Variants in SYNE2 observed in about 807,000 individuals in gnomAD.
The protein encoded by SYNE2 is nesprin-2.
SYNE2 carries 431 observed loss-of-function variants against 856.3 expected under a neutral mutation model. The ratio of observed to expected loss-of-function variants is 0.50; its 90% CI spans 0.47 to 0.55. The LOEUF is 0.55. Among genes scored for constraint, SYNE2 ranks in the 20% least tolerant of loss-of-function variants. The pLI is 0.00. For synonymous variants in SYNE2, 2,923 were observed against 2,872.3 expected, an observed-to-expected ratio of 1.02 and a Z score of -0.56; for missense variants, 8,129 against 8,023.2, an observed-to-expected ratio of 1.01 and a Z score of -0.50.
chr14:64,053,695 G>C (rs560845684), intron 48 of SYNE2, 38 bp downstream of exon 48: 1 of 1,597,410 alleles, frequency 6.3e-7, no homozygotes, highest in South Asian at 1.1e-5. Flanking sequence ...GGCTGGGTGC[G>C]GGGGCTCACG....
chr14:63,835,329 G>A (rs1038534845), intron 1 of SYNE2, among the ~76,000 whole-genome samples: 1 of 152,140 alleles, frequency 6.6e-6, no homozygotes, highest in Admixed American at 6.6e-5. Context: ...TGCCTCTGGG[G>A]TTCAAGAAAT....
chr14:64,102,537 C>G lies in SYNE2; in HGVS notation c.12492+495C>G, dbSNP rs535340314. 1.4e-3 allele frequency among the ~76,000 whole-genome samples: 189 copies of G among 138,188 alleles called. 1 individual carries two copies. The highest frequency in any genetic ancestry group is 4.8e-3 in the African/African-American group (177 of 36,548). 90.7% of individuals were successfully genotyped at this position (138,188 alleles called of 152,430 possible). A position where few individuals can be genotyped will look rare whatever the true frequency, so the allele number is the denominator to read the frequency against. ...TTTTTTTTTTTTTTTTAGCTGACAA[C>G]CATTGTATATATTTATGGTATACAA... On this transcript the variant is annotated intron_variant, in intron 64 of 115. Coordinates refer to ENST00000555002, the MANE Select transcript of SYNE2 (RefSeq NM_182914.3).
intron 1 of SYNE2, among the ~76,000 whole-genome samples, chr14:63,770,324 TC>T (rs1566555561): frequency 6.6e-6 from 1 of 152,110 alleles, no homozygotes; most frequent in African/African-American, 2.4e-5. Context: ...AAAGCTAAAC[TC>T]CCCTATCCTG....
chr14:63,816,778 A>G (rs2139849727), intron 1 of SYNE2, among the ~76,000 whole-genome samples: 1 of 152,104 alleles, frequency 6.6e-6, no homozygotes, highest in South Asian at 2.1e-4. Flanking sequence ...GTACAGTGGC[A>G]TGATCATAGC....
At chr14:63,794,404 G>C (rs1887846468) in intron 1 of SYNE2, among the ~76,000 whole-genome samples, 1 of 151,972 alleles carries the variant, frequency 6.6e-6, no homozygotes, top group Non-Finnish European at 1.5e-5. Context: ...TGGCTAGGCT[G>C]GTCTCAAACT....
At chr14:64,184,673 A>G (rs1403555376) in intron 96 of SYNE2, among the ~76,000 whole-genome samples, 1 of 152,090 alleles carries the variant, frequency 6.6e-6, no homozygotes, top group East Asian at 1.9e-4. Flanking sequence ...CCTTTATGTT[A>G]TGTAGCTTTC....
At chr14:63,825,034 A>T (rs1042494309) in intron 1 of SYNE2, among the ~76,000 whole-genome samples, 23 of 151,992 alleles carry the variant, frequency 1.5e-4, no homozygotes, top group Admixed American at 1.5e-3. Context: ...TGGGAGGTGG[A>T]GGTTACAGTG....
intron 64 of SYNE2, among the ~76,000 whole-genome samples, chr14:64,103,076 C>G (rs529016821): frequency 6.6e-6 from 1 of 152,220 alleles, no homozygotes; most frequent in South Asian, 2.1e-4. Flanking sequence ...GGTTGCTTCT[C>G]TATCTTGGCT....
At position 64,224,546 on chromosome 14, in the gene SYNE2, A is replaced by G; in HGVS notation, c.20468A>G (p.Lys6823Arg). 6.2e-7 allele frequency: 1 copy of G among 1,614,030 alleles called. No individual in the cohort carries two copies. The highest frequency in any genetic ancestry group is 8.5e-7 in the Non-Finnish European group (1 of 1,180,000). The change falls in exon 114 of 116, where the codon AAG becomes AGG. Residue 6823 changes from lysine to arginine, a missense_variant and splice_region_variant. Coordinates refer to ENST00000555002, the MANE Select transcript of SYNE2 (RefSeq NM_182914.3). ...ACATCCGTGCCAGCTCCCCGAGCAA[A>G]GGTAAGAAGCCCCTTCCTTCTGTGA... ...PATSVPAPRAKFRAVRTTEGE... is the reference protein window; with the variant it reads ...PATSVPAPRARFRAVRTTEGE...
Position 64,122,087 on chromosome 14 carries a change from C to T in SYNE2, c.13234C>T (p.Gln4412Ter), listed in dbSNP as rs1427446795. The T allele has an allele frequency of 6.2e-7, 1 of 1,614,016 alleles. No individual in the cohort carries two copies. Among genetic ancestry groups the T allele is most frequent in the East Asian group, 2.2e-5 (1 of 44,862 alleles). The change falls in exon 69 of 116, where the codon CAG becomes TAG. Residue 4412 changes from glutamine to a stop codon, truncating the protein, a stop_gained. Coordinates refer to ENST00000555002, the MANE Select transcript of SYNE2 (RefSeq NM_182914.3). LOFTEE classifies it high-confidence loss of function. ...ATTTAATGCTAAGAAAATGTGGCCCCAGTATTGCCAACATGATAACGATAC... is the reference window on the plus strand; with the variant it reads ...ATTTAATGCTAAGAAAATGTGGCCCTAGTATTGCCAACATGATAACGATAC... ...IEFNAKKMWP[Q>*]YCQHDNDTTQ...
At chr14:64,011,088 T>C (rs985070284) in intron 32 of SYNE2, among the ~76,000 whole-genome samples, 2 of 152,208 alleles carry the variant, frequency 1.3e-5, no homozygotes, top group East Asian at 1.9e-4. Flanking sequence ...AAAGCTTAAA[T>C]AGGACAATTT....
Position 63,986,515 on chromosome 14 carries a change from A to C in SYNE2, c.2211A>C (p.Lys737Asn). 2.5e-6 allele frequency: 4 copies of C among 1,614,200 alleles called. No homozygotes were observed. Among genetic ancestry groups the C allele is most frequent in the Non-Finnish European group, 3.4e-6 (4 of 1,180,022 alleles). The change falls in exon 19 of 116, where the codon AAA becomes AAC. Residue 737 changes from lysine to asparagine, a missense_variant. This residue lies in a region of SYNE2 where 2,422 missense variants were observed against 2,357.4 expected (regional missense o/e 1.03). Coordinates refer to ENST00000555002, the MANE Select transcript of SYNE2 (RefSeq NM_182914.3). ...EEFTGQLKVA[K>N]DVEKLIGQVE... ...TCACAGGGCAACTAAAAGTGGCTAA[A>C]GATGTTGAAAAACTCATTGGACAAG...
intron 103 of SYNE2, among the ~76,000 whole-genome samples, chr14:64,211,177 C>A (rs945803624): frequency 3.9e-5 from 6 of 152,182 alleles, no homozygotes; most frequent in African/African-American, 1.4e-4. Flanking sequence ...TGGGGTCTCA[C>A]TATGTTGCCC....
At position 64,093,494 on chromosome 14, in the gene SYNE2, A is replaced by C. The variant is rs2153630217; in HGVS notation, c.12108+14A>C. On this transcript the variant is annotated intron_variant, in intron 61 of 115. Coordinates refer to ENST00000555002, the MANE Select transcript of SYNE2 (RefSeq NM_182914.3). ...CCACAACTACAGGTATGTTTCTTTC[A>C]TTCATAAAGGTATGTTTCATTTGTC... 1 of 1,614,138 alleles carries C rather than the reference A, an allele frequency of 6.2e-7. No homozygotes were observed. Among genetic ancestry groups the C allele is most frequent in the Admixed American group, 1.7e-5 (1 of 60,030 alleles).
In SYNE2 at chr14:64,052,891, G is replaced by A; in HGVS notation, c.8978G>A (p.Cys2993Tyr). The change falls in exon 48 of 116, where the codon TGT becomes TAT. Residue 2993 changes from cysteine (C) to tyrosine (Y), a missense_variant. Cys to Tyr is a radical substitution (Grantham distance 194, BLOSUM62 -2). This residue lies in a region of SYNE2 where 5,410 missense variants were observed against 5,284.8 expected (regional missense o/e 1.02). Transcript: ENST00000555002. Reference protein sequence around the residue: ...NLKDRLTAIKCCILQVLKLKK... With the variant: ...NLKDRLTAIKYCILQVLKLKK... ...AAAGACAGACTCACCGCTATTAAGT[G>A]TTGCATCTTACAGGTATTGAAACTT... 1 of 1,613,732 alleles carries A rather than the reference G, an allele frequency of 6.2e-7. No individual in the cohort carries two copies. The highest frequency in any genetic ancestry group is 8.5e-7 in the Non-Finnish European group (1 of 1,179,952).
At chr14:64,183,511 G>T (rs538936038) in intron 96 of SYNE2, among the ~76,000 whole-genome samples, 1 of 152,246 alleles carries the variant, frequency 6.6e-6, no homozygotes, top group Admixed American at 6.5e-5. Context: ...TCCCAGACAG[G>T]GTGGCGGCCG....
In SYNE2 at chr14:64,224,943, C is replaced by CATTG. The variant is rs2098711906; in HGVS notation, c.20470-53_20470-50dup. 3.4e-6 allele frequency: 5 copies of CATTG among 1,476,230 alleles called. No homozygotes were observed. The East Asian group carries it at 1.1e-4, about 34-fold the overall frequency. The allele number at this position is 1,476,230 out of a possible 1,614,324, so 91.4% of individuals were successfully genotyped here. A position where few individuals can be genotyped will look rare whatever the true frequency, so the allele number is the denominator to read the frequency against. The stretch of plus-strand genomic sequence containing the variant: ...AAGGGAGGATTTTTTTTTTTTTTAT[C>CATTG]ATTGATAGGACTAAACTGTCTTCAA... On this transcript the variant is annotated intron_variant, in intron 114 of 115. Coordinates refer to ENST00000555002, the MANE Select transcript of SYNE2 (RefSeq NM_182914.3).
chr14:64,220,419 CTTT>C lies in SYNE2; in HGVS notation c.19861-16_19861-14del. ...CTACTTTCAGAGCTCCTAACCTCAT[CTTT>C]TCTCTCTCTGGTAGGAGATACTGAA... On this transcript the variant is annotated splice_polypyrimidine_tract_variant and intron_variant, in intron 110 of 115. Coordinates refer to ENST00000555002, the MANE Select transcript of SYNE2 (RefSeq NM_182914.3). 1 of 1,614,012 alleles carries C rather than the reference CTTT, an allele frequency of 6.2e-7. No individual in the cohort carries two copies. Among genetic ancestry groups the C allele is most frequent in the Non-Finnish European group, 8.5e-7 (1 of 1,179,852 alleles).
intron 74 of SYNE2, among the ~76,000 whole-genome samples, chr14:64,129,518 G>A (rs933952526): frequency 1.3e-5 from 2 of 152,184 alleles, no homozygotes; most frequent in African/African-American, 4.8e-5. Context: ...TGGTGAGTGA[G>A]GAATGCTAAC....
Sources: allele counts gnomAD v4.1 joint callset (sites outside exome capture counted in the v4.1 genomes callset), GRCh38; gene constraint gnomAD v4.1.1; regional missense constraint gnomAD v4.1.1; transcripts MANE v1.5; gene names NCBI Gene and HGNC (gene_info 2026-07-23, HGNC 2026-07-21).